The following ADAMTSL1 variants were observed in gnomAD, a reference collection of about 807,000 sequenced individuals.
ADAMTSL1 encodes ADAMTS like 1, also known as ADAMTS-like protein 1.
In ADAMTSL1, 126 loss-of-function variants were observed where a neutral mutation model predicts 201.8. The observed-to-expected ratio is 0.62, with a 90% confidence interval of 0.54 to 0.72. The LOEUF is 0.72. Among genes scored for constraint, ADAMTSL1 ranks in the 30% least tolerant of loss-of-function variants. The probability of loss-of-function intolerance (pLI) is 0.00; values close to 1 mark genes in which losing one functional copy is unlikely to be tolerated. For missense variants in ADAMTSL1, 2,679 were observed against 2,277.8 expected, an observed-to-expected ratio of 1.18 and a Z score of -3.59; for synonymous variants, 1,121 against 903.4, an observed-to-expected ratio of 1.24 and a Z score of -4.32.
At chr9:18,562,929 A>C (rs1170755321) in intron 3 of ADAMTSL1, among the ~76,000 whole-genome samples, 1 of 152,118 alleles carries the variant, frequency 6.6e-6, no homozygotes, top group African/African-American at 2.4e-5. Flanking sequence ...ACATTTTTCA[A>C]GGTTCTTAGC....
chr9:17,967,092 C>G (rs970845747), intron 1 of ADAMTSL1, among the ~76,000 whole-genome samples: 1 of 151,990 alleles, frequency 6.6e-6, no homozygotes, highest in African/African-American at 2.4e-5. Flanking sequence ...ATTTCAGAAC[C>G]TATATAATAT....
intron 2 of ADAMTSL1, among the ~76,000 whole-genome samples, chr9:18,267,463 C>T (rs1832162742): frequency 6.6e-6 from 1 of 151,948 alleles, no homozygotes; most frequent in Non-Finnish European, 1.5e-5. Context: ...TTTCTTGCCA[C>T]CAGAAGAGAG....
chr9:18,009,679 C>T (rs140055166), intron 1 of ADAMTSL1, among the ~76,000 whole-genome samples: 8 of 152,038 alleles, frequency 5.3e-5, no homozygotes, highest in African/African-American at 1.9e-4. Context: ...TTTGGATATT[C>T]CAGTAGCTGA....
chr9:18,281,271 G>GA (rs1371266408), intron 2 of ADAMTSL1, among the ~76,000 whole-genome samples: 2 of 151,978 alleles, frequency 1.3e-5, no homozygotes, highest in Non-Finnish European at 2.9e-5. Flanking sequence ...GGGGAGAAGG[G>GA]AAAAGATATA....
At chr9:18,570,864 C>G (rs975612748) in intron 3 of ADAMTSL1, among the ~76,000 whole-genome samples, 16 of 152,194 alleles carry the variant, frequency 1.1e-4, no homozygotes, top group African/African-American at 3.9e-4. Context: ...TTATTCTTCT[C>G]AGACCTATTT....
intron 2 of ADAMTSL1, among the ~76,000 whole-genome samples, chr9:18,235,227 T>C (rs7869145): frequency 0.013 from 1,934 of 152,310 alleles, 42 homozygotes; most frequent in African/African-American, 0.044. Flanking sequence ...TTTGGGAAAA[T>C]ATTAGTCAGG....
intron 2 of ADAMTSL1, among the ~76,000 whole-genome samples, chr9:18,187,116 T>C (rs1210685875): frequency 6.6e-6 from 1 of 152,166 alleles, no homozygotes; most frequent in African/African-American, 2.4e-5. Flanking sequence ...TCCCAGTAAG[T>C]AACTCACATT....
At chr9:18,370,345 A>G (rs1836988078) in intron 2 of ADAMTSL1, among the ~76,000 whole-genome samples, 1 of 152,040 alleles carries the variant, frequency 6.6e-6, no homozygotes, top group South Asian at 2.1e-4. Context: ...TTGAAAAATT[A>G]CCTGTTAGGT....
At chr9:18,311,574 C>T (rs1216564967) in intron 2 of ADAMTSL1, among the ~76,000 whole-genome samples, 1 of 152,054 alleles carries the variant, frequency 6.6e-6, no homozygotes, top group Non-Finnish European at 1.5e-5. Context: ...GCCTGAACTG[C>T]TGAACATCAT....
At chr9:18,831,223 G>A (rs917266910) in intron 23 of ADAMTSL1, among the ~76,000 whole-genome samples, 1 of 152,234 alleles carries the variant, frequency 6.6e-6, no homozygotes, top group Admixed American at 6.5e-5. Flanking sequence ...TGTTGCCCAT[G>A]ATTTATACAA....
At chr9:18,080,817 ATCCT>A (rs1312123324) in intron 1 of ADAMTSL1, among the ~76,000 whole-genome samples, 2 of 152,198 alleles carry the variant, frequency 1.3e-5, no homozygotes, top group African/African-American at 4.8e-5. Flanking sequence ...TCATTCTGTC[ATCCT>A]TCATTCTAGA....
intron 1 of ADAMTSL1, among the ~76,000 whole-genome samples, chr9:18,110,494 T>A (rs1218677249): frequency 6.6e-6 from 1 of 152,166 alleles, no homozygotes; most frequent in Admixed American, 6.6e-5. Context: ...GTGACACACC[T>A]GCTTTGTACC....
chr9:18,337,141 T>C (rs547553667), intron 2 of ADAMTSL1, among the ~76,000 whole-genome samples: 1 of 152,138 alleles, frequency 6.6e-6, no homozygotes, highest in South Asian at 2.1e-4. Context: ...GTGGGCACAA[T>C]CTAATCAGCT....
At chr9:18,547,847 G>A (rs1019385345) in intron 3 of ADAMTSL1, among the ~76,000 whole-genome samples, 21 of 151,814 alleles carry the variant, frequency 1.4e-4, no homozygotes, top group African/African-American at 3.9e-4. Flanking sequence ...ATTCTGGACC[G>A]GGGGCCATGT....
At chr9:18,573,166 A>C (rs1201285149) in intron 3 of ADAMTSL1, 1 of 152,680 alleles carries the variant, frequency 6.5e-6, no homozygotes, top group Non-Finnish European at 1.5e-5. Flanking sequence ...AATTGAGAGA[A>C]TCTCCTCATA....
chr9:18,079,682 AAAATAAATAAATAAATAAAT>A (rs200603951), intron 1 of ADAMTSL1, among the ~76,000 whole-genome samples: 21 of 141,700 alleles, frequency 1.5e-4, no homozygotes, highest in African/African-American at 4.7e-4. Context: ...ACTCTGTCTC[AAAATAAATAAATAAATAAAT>A]AAATAAATAA....
Position 18,777,025 on chromosome 9 carries a change from CA to C in ADAMTSL1, c.2798del (p.Lys933ArgfsTer25). The C allele has an allele frequency of 6.2e-7, 1 of 1,608,746 alleles. No individual in the cohort carries two copies. The highest frequency in any genetic ancestry group is 1.1e-5 in the South Asian group (1 of 90,720). ...HVTVAPFGYL[K>X]IHRLKPSDAG... ...TCACGGTGGCCCCCTTCGGCTATCT[CA>C]AGATCCACCGCCTCAAGCCCTCGGA... On this transcript the variant is annotated frameshift_variant, in exon 19 of 29. Transcript: ENST00000380548. LOFTEE classifies it high-confidence loss of function.
intron 2 of ADAMTSL1, among the ~76,000 whole-genome samples, chr9:18,265,421 C>T (rs1326174055): frequency 6.6e-6 from 1 of 152,132 alleles, no homozygotes; most frequent in African/African-American, 2.4e-5. Context: ...TATTACTAGC[C>T]TGGTATTTAT....
At chr9:18,846,607 G>C (rs1331708845) in intron 23 of ADAMTSL1, among the ~76,000 whole-genome samples, 1 of 152,170 alleles carries the variant, frequency 6.6e-6, no homozygotes, top group African/African-American at 2.4e-5. Context: ...GAGAGAGGTT[G>C]TCTAACTTGC....
Sources: allele counts gnomAD v4.1 joint callset (sites outside exome capture counted in the v4.1 genomes callset), GRCh38; gene constraint gnomAD v4.1.1; transcripts MANE v1.5; gene names NCBI Gene and HGNC (gene_info 2026-07-23, HGNC 2026-07-21).